The following TBCEL variants were observed in gnomAD, a reference collection of about 807,000 sequenced individuals.
TBCEL encodes tubulin-specific chaperone cofactor E-like protein.
In TBCEL, 15 loss-of-function variants were observed where a neutral mutation model predicts 44.2. The observed-to-expected ratio is 0.34, with a 90% CI of 0.23 to 0.52. The LOEUF (loss-of-function observed/expected upper bound fraction) is 0.52, where lower values mean the gene tolerates loss of function less well. Ranked by LOEUF, TBCEL falls within the 20% of genes least tolerant of loss-of-function variation. TBCEL has a pLI of 0.95. For synonymous variants in TBCEL, 171 were observed against 185.4 expected, an observed-to-expected ratio of 0.92 and a Z score of 0.63; for missense variants, 319 against 506.3, an observed-to-expected ratio of 0.63 and a Z score of 3.55.
At chr11:121,058,291 C>T in intron 6 of TBCEL, 54 bp from the exon 7 acceptor site, 2 of 1,586,706 alleles carry the variant, frequency 1.3e-6, no homozygotes, top group African/African-American at 1.4e-5. Flanking sequence ...CTATGTTTCT[C>T]TTCTTATTTA....
At position 121,045,738 on chromosome 11, in the gene TBCEL, A is replaced by G. The variant is rs372493054; in HGVS notation, c.48A>G (p.Lys16=). 4 of 1,611,598 alleles carry G rather than the reference A, an allele frequency of 2.5e-6. No homozygotes were observed. The highest frequency in any genetic ancestry group is 1.7e-5 in the Admixed American group (1 of 59,386). Residue 16 remains lysine (K), a synonymous_variant, in exon 3 of 9, where the codon AAA becomes AAG. Coordinates refer to ENST00000683345, the MANE Select transcript of TBCEL (RefSeq NM_001363644.2). ...GRSFMQVLCE[K]YSPENFPYRR... is the part of the protein sequence containing the mutation. ...GTTTCATGCAAGTATTATGTGAAAA[A>G]TATAGTCCTGAAAATTTTCCTTATC...
intron 8 of TBCEL, among the ~76,000 whole-genome samples, chr11:121,080,440 A>G (rs993195267): frequency 1.3e-5 from 2 of 152,176 alleles, no homozygotes; most frequent in African/African-American, 4.8e-5. Flanking sequence ...CCACCTGCAG[A>G]AAATGTAAAT....
At position 121,090,006 on chromosome 11, in the gene TBCEL, G is replaced by GA. The variant is rs1291338239; in HGVS notation, c.*2916dup. ...TGAAATATCCTAGATTGCTTTAATG[G>GA]AAAAAATCCAGAGTCACATATCTTT... is the stretch of plus-strand genomic sequence containing the variant. On this transcript the variant is annotated 3_prime_UTR_variant, in exon 9 of 9. Transcript: ENST00000683345. 5 of 152,102 alleles carry GA rather than the reference G, an allele frequency of 3.3e-5. No homozygotes were observed. The highest frequency in any genetic ancestry group is 2.1e-4 in the South Asian group (1 of 4,828). The allele number at this position is 152,102 out of a possible 1,614,324, so 9.4% of individuals were successfully genotyped here. A position where few individuals can be genotyped will look rare whatever the true frequency, so the allele number is the denominator to read the frequency against.
intron 8 of TBCEL, among the ~76,000 whole-genome samples, chr11:121,082,852 G>A (rs1946150457): frequency 6.6e-6 from 1 of 152,192 alleles, no homozygotes; most frequent in South Asian, 2.1e-4. Flanking sequence ...AAATCAGCAA[G>A]CTGCTGTCCC....
At chr11:121,031,724 G>GTATGATCTCTGCTCACTGCAACCTTCACC (rs1463180508) in intron 1 of TBCEL, among the ~76,000 whole-genome samples, 35 of 143,428 alleles carry the variant, frequency 2.4e-4, no homozygotes, top group African/African-American at 8.6e-4. Flanking sequence ...GAGTGCAGTG[G>GTATGATCTCTGCTCACTGCAACCTTCACC]TATGATCTCT....
At chr11:121,084,416 T>G (rs1185857485) in intron 8 of TBCEL, among the ~76,000 whole-genome samples, 1 of 152,102 alleles carries the variant, frequency 6.6e-6, no homozygotes, top group Non-Finnish European at 1.5e-5. Flanking sequence ...TTTTGTGGAG[T>G]GTTTTCTTTT....
At chr11:121,049,612 T>TACA (rs778813754) in intron 4 of TBCEL, among the ~76,000 whole-genome samples, 3 of 151,880 alleles carry the variant, frequency 2.0e-5, no homozygotes, top group Non-Finnish European at 4.4e-5. Flanking sequence ...TTTAACAAAT[T>TACA]ACAGATTGTG....
intron 2 of TBCEL, among the ~76,000 whole-genome samples, chr11:121,044,242 T>C (rs74894256): frequency 0.027 from 4,099 of 152,258 alleles, 148 homozygotes; most frequent in African/African-American, 0.078. Context: ...TCTTGTTTCC[T>C]GCATATTCAT....
At chr11:121,078,861 T>C (rs1450371612) in intron 8 of TBCEL, among the ~76,000 whole-genome samples, 1 of 152,224 alleles carries the variant, frequency 6.6e-6, no homozygotes, top group East Asian at 1.9e-4. Flanking sequence ...ACTGGCTATA[T>C]CTTCTTAGAT....
intron 4 of TBCEL, among the ~76,000 whole-genome samples, chr11:121,051,824 C>T (rs1357544769): frequency 6.6e-6 from 1 of 151,752 alleles, no homozygotes; most frequent in Non-Finnish European, 1.5e-5. Context: ...TGCAGGGAAC[C>T]TTTTCTTCTC....
In TBCEL at chr11:121,086,902, C is replaced by T; in HGVS notation, c.1081C>T (p.Leu361=). The change falls in exon 9 of 9, where the codon CTG becomes TTG. Residue 361 remains leucine (L), a synonymous_variant. Coordinates refer to ENST00000683345, the MANE Select transcript of TBCEL (RefSeq NM_001363644.2). ...TCAGGTGGAAGAAATGAGCATTCGT[C>T]TGGACCAAACAGTGGCAGAACTAAA... is the stretch of plus-strand genomic sequence containing the variant. The part of the protein sequence containing the change: ...NDQVEEMSIR[L]DQTVAELKKQ... The T allele has an allele frequency of 6.2e-7, 1 of 1,614,084 alleles. No individual in the cohort carries two copies. The highest frequency in any genetic ancestry group is 8.5e-7 in the Non-Finnish European group (1 of 1,179,998).
rs185489274 is a variant in TBCEL, at chr11:121,045,797, C to G, written c.107C>G (p.Ala36Gly). 3.3e-5 allele frequency: 53 copies of G among 1,609,742 alleles called. No individual in the cohort carries two copies. The highest frequency in any genetic ancestry group is 4.5e-5 in the Non-Finnish European group (53 of 1,178,542). ...CCGGGGATGGGAGTCCATGTCCCAG[C>G]CACACCTCAGGGCTCTCCTATGAAA... ...RGPGMGVHVP[A>G]TPQGSPMKDR... Residue 36 changes from alanine to glycine, a missense_variant, in exon 3 of 9, where the codon GCC becomes GGC. Physicochemically the swap from Ala to Gly is moderately conservative, Grantham distance 60. Coordinates refer to ENST00000683345, the MANE Select transcript of TBCEL (RefSeq NM_001363644.2).
intron 1 of TBCEL, among the ~76,000 whole-genome samples, chr11:121,034,657 A>G (rs1945200081): frequency 6.6e-6 from 1 of 152,210 alleles, no homozygotes; most frequent in African/African-American, 2.4e-5. Flanking sequence ...GCATTAGGAT[A>G]TGGTTATTAC....
intron 8 of TBCEL, among the ~76,000 whole-genome samples, chr11:121,074,330 T>C (rs1945994132): frequency 6.6e-6 from 1 of 151,994 alleles, no homozygotes; most frequent in South Asian, 2.1e-4. Flanking sequence ...TTTCTTGTTA[T>C]AGTTTCCATC....
At chr11:121,065,944 G>T (rs761198303) in intron 8 of TBCEL, among the ~76,000 whole-genome samples, 7 of 152,156 alleles carry the variant, frequency 4.6e-5, no homozygotes, top group Non-Finnish European at 7.4e-5. Context: ...TTACTTACCT[G>T]AGGAACTATT....
rs150623692 is a variant in TBCEL, at chr11:121,084,517, C to T, written c.957-2261C>T. The stretch of plus-strand genomic sequence containing the variant: ...CCTTTATTCTTTTTGCTGTGATATG[C>T]GCTCAGTTGCCATTTTGTGTCTCAT... On this transcript the variant is annotated intron_variant, in intron 8 of 8. Coordinates refer to ENST00000683345, the MANE Select transcript of TBCEL (RefSeq NM_001363644.2). 4.9e-4 allele frequency among the ~76,000 whole-genome samples: 74 copies of T among 152,114 alleles called. 2 individuals are homozygous for T. The East Asian group carries it at 0.011, about 22-fold the overall frequency.
intron 4 of TBCEL, among the ~76,000 whole-genome samples, chr11:121,051,062 A>T (rs1370061037): frequency 6.6e-6 from 1 of 151,710 alleles, no homozygotes; most frequent in Non-Finnish European, 1.5e-5. Flanking sequence ...ACTCAAAAAA[A>T]CCTTTTTTAT....
At chr11:121,028,631 A>C (rs1221106670) in intron 1 of TBCEL, among the ~76,000 whole-genome samples, 2 of 152,196 alleles carry the variant, frequency 1.3e-5, no homozygotes, top group Admixed American at 6.5e-5. Flanking sequence ...ACAGTACACA[A>C]CACATAATAA....
chr11:121,085,231 G>A (rs1317181152), intron 8 of TBCEL, among the ~76,000 whole-genome samples: 2 of 151,868 alleles, frequency 1.3e-5, no homozygotes, highest in African/African-American at 4.8e-5. Flanking sequence ...GTAGAGACAG[G>A]GTTTCACCAT....
Sources: gnomAD v4.1 joint callset for allele counts (sites outside exome capture counted in the v4.1 genomes callset) on GRCh38, gnomAD v4.1.1 for gene constraint, MANE v1.5 for transcripts, NCBI Gene and HGNC (gene_info 2026-07-23, HGNC 2026-07-21) for gene names.